CARS1: variants seen among roughly 807,000 people sequenced by gnomAD.
CARS1 encodes cysteine--tRNA ligase, cytoplasmic.
A neutral mutation model predicts 106.2 loss-of-function variants in CARS1; 48 were observed. The observed-to-expected ratio is 0.45, with a 90% CI of 0.36 to 0.57. The LOEUF (loss-of-function observed/expected upper bound fraction) is 0.57, where lower values mean the gene tolerates loss of function less well. Among genes scored for constraint, CARS1 ranks in the 20% least tolerant of loss-of-function variants. CARS1 has a pLI of 0.00. For missense variants in CARS1, 968 were observed against 1,057.2 expected (o/e 0.92, Z 1.17); for synonymous variants, 409 against 403.4 (o/e 1.01, Z -0.17).
chr11:3,055,529 G>A (rs2134331673), intron 1 of CARS1, among the ~76,000 whole-genome samples: 1 of 152,368 alleles, frequency 6.6e-6, no homozygotes, highest in East Asian at 1.9e-4. Context: ...GCCATGCCCT[G>A]GGGCAGAAGA....
rs116709608 is a variant in CARS1 at position 3,033,357 on chromosome 11, G to A, written c.802-3914C>T. ...GTCTCTGTTCACAGATCCAGATTGGGACAGACCATACTCTCCAACCACTGG... is the reference window on the plus strand; with the variant it reads ...GTCTCTGTTCACAGATCCAGATTGGAACAGACCATACTCTCCAACCACTGG... On this transcript the variant is annotated intron_variant, in intron 7 of 22. Transcript: ENST00000380525. Among the ~76,000 whole-genome samples, 990 of 152,224 alleles carry A rather than the reference G, an allele frequency of 6.5e-3. 8 individuals are homozygous for A. The highest frequency in any genetic ancestry group is 0.023 in the African/African-American group (962 of 41,524).
rs747118768 is a variant in CARS1 at position 3,038,044 on chromosome 11, C to T, written c.801+6G>A. 4 of 1,609,696 alleles carry T rather than the reference C, an allele frequency of 2.5e-6. No individual in the cohort carries two copies. The highest frequency in any genetic ancestry group is 3.4e-6 in the Non-Finnish European group (4 of 1,176,576). On this transcript the variant is annotated splice_donor_region_variant and intron_variant, in intron 7 of 22. Coordinates refer to ENST00000380525, the MANE Select transcript of CARS1 (RefSeq NM_001014437.3). This position sits in a 1 kb window ranked among gnomAD's most constrained non-coding sequence, Gnocchi z 4.0. The stretch of plus-strand genomic sequence containing the variant: ...CGGGCTGTCTGGGAGATGTGTGAAG[C>T]CTCACCTCCACACAGCTGTTGACTT...
chr11:3,054,046 G>A (rs1225838388), intron 1 of CARS1, among the ~76,000 whole-genome samples: 1 of 152,102 alleles, frequency 6.6e-6, no homozygotes, highest in African/African-American at 2.4e-5. Context: ...ACCGGAAAAA[G>A]CCCCCAGACA....
chr11:3,042,523 C>A (rs1218853421), intron 2 of CARS1, among the ~76,000 whole-genome samples: 1 of 152,110 alleles, frequency 6.6e-6, no homozygotes, highest in African/African-American at 2.4e-5. Flanking sequence ...CTCCCGACAA[C>A]CGCGTCTTTC....
rs770604524 is a variant in CARS1 at position 3,001,957 on chromosome 11, C to T, written c.2361+13G>A. ...AAGTTCTGAATAGAAGAGAAGGATG[C>T]TTACATGCTTACATTTTCATCAAAC... On this transcript the variant is annotated intron_variant, in intron 22 of 22. Coordinates refer to ENST00000380525, the MANE Select transcript of CARS1 (RefSeq NM_001014437.3). 6.3e-7 allele frequency: 1 copy of T among 1,585,866 alleles called. No individual in the cohort carries two copies. The highest frequency in any genetic ancestry group is 8.7e-7 in the Non-Finnish European group (1 of 1,154,354).
In CARS1 at chr11:3,028,326, G is replaced by A; in HGVS notation, c.1031+670C>T. 3.9e-6 allele frequency: 2 copies of A among 518,692 alleles called. No homozygotes were observed. Among genetic ancestry groups the A allele is most frequent in the Non-Finnish European group, 7.0e-6 (2 of 287,428 alleles). The allele number at this position is 518,692 out of a possible 1,614,324, so 32.1% of individuals were successfully genotyped here. ...CCACTACCGGTCTCCGCGTCTTGGT[G>A]GTAGTGGTCCCCCGGGCCCAGCTGT... On this transcript the variant is annotated intron_variant, in intron 9 of 22. Coordinates refer to ENST00000380525, the MANE Select transcript of CARS1 (RefSeq NM_001014437.3). This position sits in a 1 kb window ranked among gnomAD's most constrained non-coding sequence, Gnocchi z 4.4.
rs79984080 is a variant in CARS1 at position 3,044,160 on chromosome 11, C to T, written c.275-1904G>A. 5.3e-4 allele frequency among the ~76,000 whole-genome samples: 81 copies of T among 152,256 alleles called. No individual in the cohort carries two copies. In the East Asian group the frequency reaches 0.012, roughly 22 times the overall value. On this transcript the variant is annotated intron_variant, in intron 2 of 22. Transcript: ENST00000380525. This position sits in a 1 kb window ranked among gnomAD's most constrained non-coding sequence, Gnocchi z 4.4. ...TGCTGCCATCTCAGACAGCTGGAGA[C>T]GCTGCCCAGAAACACAGCCATGAGG...
At chr11:3,016,222 C>CT (rs34717371) in intron 16 of CARS1, among the ~76,000 whole-genome samples, 1,726 of 136,740 alleles carry the variant, frequency 0.013, 16 homozygotes, top group African/African-American at 0.02. Flanking sequence ...TTTTGCTTCT[C>CT]TTTTTTTTTT....
intron 14 of CARS1, 131 bp from the exon 15 acceptor site, chr11:3,018,085 G>C: frequency 1.6e-6 from 1 of 641,462 alleles, no homozygotes; most frequent in Non-Finnish European, 2.7e-6. Flanking sequence ...CAAGTGGTCA[G>C]AAAGAAAGGA....
rs1265313858 is a variant in CARS1, at chr11:3,034,195, CT to C, written c.801+3854del. Among the ~76,000 whole-genome samples the C allele has an allele frequency of 2.0e-5, 3 of 147,418 alleles. No homozygotes were observed. The highest frequency in any genetic ancestry group is 3.0e-5 in the Non-Finnish European group (2 of 66,168). ...TTTTCTGTTTTTTTGTTTGTTTGTT[CT>C]TTTTTTTGTTTTCTGTTTTTTGTTT... On this transcript the variant is annotated intron_variant, in intron 7 of 22. Transcript: ENST00000380525. This position sits in a 1 kb window ranked among gnomAD's most constrained non-coding sequence, Gnocchi z 6.3.
rs869291693 is a variant in CARS1 at position 3,034,176 on chromosome 11, GTTTT to G, written c.801+3870_801+3873del. 3.8e-5 allele frequency among the ~76,000 whole-genome samples: 5 copies of G among 130,276 alleles called. No homozygotes were observed. The highest frequency in any genetic ancestry group is 2.7e-4 in the Admixed American group (3 of 11,200). 85.5% of individuals were successfully genotyped at this position (130,276 alleles called of 152,430 possible). The stretch of plus-strand genomic sequence containing the variant: ...GAATTCGTGTCTTAGTCTGTTTTCT[GTTTT>G]TTTGTTTGTTTGTTCTTTTTTTTGT... On this transcript the variant is annotated intron_variant, in intron 7 of 22. Coordinates refer to ENST00000380525, the MANE Select transcript of CARS1 (RefSeq NM_001014437.3). The surrounding 1 kb of genome is among the most constrained non-coding windows in gnomAD (Gnocchi z 6.3).
At chr11:3,024,915 A>C (rs1224650647) in intron 10 of CARS1, among the ~76,000 whole-genome samples, 2 of 152,210 alleles carry the variant, frequency 1.3e-5, no homozygotes, top group Non-Finnish European at 2.9e-5. Context: ...TCCTGAGTGC[A>C]AAGTTCCCAG....
chr11:3,007,134 G>C, intron 18 of CARS1, 175 bp from the exon 19 acceptor site: 1 of 610,988 alleles, frequency 1.6e-6, no homozygotes. Flanking sequence ...CAGTGCTTGG[G>C]AGGGAGGGCC....
rs1187954209 is a variant in CARS1, at chr11:3,041,507, C to T, written c.367-523G>A. On this transcript the variant is annotated intron_variant, in intron 3 of 22. Transcript: ENST00000380525. The surrounding 1 kb of genome is among the most constrained non-coding windows in gnomAD (Gnocchi z 4.9). The stretch of plus-strand genomic sequence containing the variant: ...GTGGTGCTGCTCTGGCACCACTCCC[C>T]AACATCCCAGCACCCTCAGACCTCT... 1.3e-5 allele frequency among the ~76,000 whole-genome samples: 2 copies of T among 152,154 alleles called. No individual in the cohort carries two copies.
chr11:3,032,296 C>G (rs1852950688), intron 7 of CARS1, among the ~76,000 whole-genome samples: 1 of 152,092 alleles, frequency 6.6e-6, no homozygotes, highest in Admixed American at 6.5e-5. Context: ...TGGTCTCAAT[C>G]TCTTGACCTC....
At chr11:3,024,041 C>T (rs1269473193) in intron 10 of CARS1, among the ~76,000 whole-genome samples, 2 of 152,084 alleles carry the variant, frequency 1.3e-5, no homozygotes, top group East Asian at 1.9e-4. Flanking sequence ...TACAGGCATG[C>T]GCCACCACAC....
intron 1 of CARS1, among the ~76,000 whole-genome samples, chr11:3,054,063 G>T (rs563408848): frequency 3.9e-5 from 6 of 152,114 alleles, no homozygotes; most frequent in Non-Finnish European, 7.4e-5. Flanking sequence ...GACATGAATC[G>T]TGGGGAGGAG....
At position 3,017,133 on chromosome 11, in the gene CARS1, G is replaced by A. The variant is rs61737274; in HGVS notation, c.1890C>T (p.Ile630=). Residue 630 remains isoleucine (I), a synonymous_variant, in exon 16 of 23, where the codon ATC becomes ATT. Coordinates refer to ENST00000380525, the MANE Select transcript of CARS1 (RefSeq NM_001014437.3). This position sits in a 1 kb window ranked among gnomAD's most constrained non-coding sequence, Gnocchi z 4.9. ...TCAGCATATGGGTGAGGTACAGGGC[G>A]ATGTTCTCCAGCAGAGCCTGGTTGG... is the stretch of plus-strand genomic sequence containing the variant. The part of the protein sequence containing the change: ...KRPNQALLEN[I]ALYLTHMLKI... 64 of 1,613,912 alleles carry A rather than the reference G, an allele frequency of 4.0e-5. No individual in the cohort carries two copies. Among genetic ancestry groups the A allele is most frequent in the East Asian group, 1.3e-4 (6 of 44,882 alleles).
rs905891249 is a variant in CARS1 at position 3,045,413 on chromosome 11, C to T, written c.274+2340G>A. Among the ~76,000 whole-genome samples, 7 of 152,110 alleles carry T rather than the reference C, an allele frequency of 4.6e-5. No homozygotes were observed. The highest frequency in any genetic ancestry group is 8.8e-5 in the Non-Finnish European group (6 of 68,032). ...CCGAGTAGCTGGGACTATAGGCACC[C>T]GCCATCACGCCCGGCTAATTTTTTG... On this transcript the variant is annotated intron_variant, in intron 2 of 22. Coordinates refer to ENST00000380525, the MANE Select transcript of CARS1 (RefSeq NM_001014437.3). The surrounding 1 kb of genome is among the most constrained non-coding windows in gnomAD (Gnocchi z 5.6).
Sources: allele counts gnomAD v4.1 joint callset (sites outside exome capture counted in the v4.1 genomes callset), GRCh38; gene constraint gnomAD v4.1.1; non-coding constraint Gnocchi (gnomAD v3.1); transcripts MANE v1.5; gene names NCBI Gene and HGNC (gene_info 2026-07-23, HGNC 2026-07-21).